The following SLC24A2 variants were observed in gnomAD, a reference collection of about 807,000 sequenced individuals.
The protein encoded by SLC24A2 is solute carrier family 24 member 2.
In SLC24A2, 36 loss-of-function variants were observed where a neutral mutation model predicts 62.0. That is an observed-to-expected ratio of 0.58 (90% CI 0.44 to 0.77). The LOEUF is 0.77. SLC24A2 is among the 30% of genes least tolerant of loss of function. SLC24A2 has a pLI of 0.00. For synonymous variants in SLC24A2, 358 were observed against 294.0 expected (o/e 1.22, Z -2.23); for missense variants, 846 against 817.9 (o/e 1.03, Z -0.42).
At chr9:20,220,305 A>T in the SLC24A2 span, among the ~76,000 whole-genome samples, 1 of 152,112 alleles carries the variant, frequency 6.6e-6, no homozygotes, top group Non-Finnish European at 1.5e-5. Flanking sequence ...CCTCATTAAA[A>T]GGGCTTGGTG....
intron 2 of SLC24A2, among the ~76,000 whole-genome samples, chr9:19,698,654 G>A (rs1437438902): frequency 1.3e-5 from 2 of 152,104 alleles, no homozygotes; most frequent in African/African-American, 4.8e-5. Context: ...GTGCACTCTG[G>A]GGATATAAAG....
chr9:19,656,040 C>T (rs773157073), intron 2 of SLC24A2, among the ~76,000 whole-genome samples: 29 of 152,142 alleles, frequency 1.9e-4, no homozygotes, highest in African/African-American at 2.4e-4. Context: ...TCTAAAGCCT[C>T]GTCTGCAATT....
chr9:20,000,255 T>A, the SLC24A2 span, among the ~76,000 whole-genome samples: 2 of 152,194 alleles, frequency 1.3e-5, no homozygotes, highest in Non-Finnish European at 2.9e-5. Flanking sequence ...GCTAAGCATA[T>A]TACATGGACT....
Position 19,529,980 on chromosome 9 carries a change from T to C in SLC24A2, c.1480-1842A>G, listed in dbSNP as rs190307141. On this transcript the variant is annotated intron_variant, in intron 8 of 10. Transcript: ENST00000341998. Reference sequence around the variant, plus strand: ...GTTGGCCAGGCTGGTTTCAAAATCCTGACCTCAGATGATCTGCCTGCTTCA... The same window carrying C: ...GTTGGCCAGGCTGGTTTCAAAATCCCGACCTCAGATGATCTGCCTGCTTCA... 3.8e-3 allele frequency among the ~76,000 whole-genome samples: 579 copies of C among 151,998 alleles called. 3 individuals are homozygous for C. The highest frequency in any genetic ancestry group is 0.013 in the African/African-American group (531 of 41,466).
intron 4 of SLC24A2, among the ~76,000 whole-genome samples, chr9:19,617,496 T>C (rs1817799984): frequency 1.3e-5 from 2 of 152,192 alleles, no homozygotes; most frequent in African/African-American, 4.8e-5. Flanking sequence ...ATACAAGTAC[T>C]AAAACATGAA....
the SLC24A2 span, among the ~76,000 whole-genome samples, chr9:20,290,435 C>CG: frequency 6.6e-6 from 1 of 152,248 alleles, no homozygotes; most frequent in African/African-American, 2.4e-5. Flanking sequence ...CCTCCCTTGC[C>CG]CCTCTTCAGG....
At chr9:19,763,498 C>T (rs570813836) in intron 2 of SLC24A2, among the ~76,000 whole-genome samples, 42 of 152,200 alleles carry the variant, frequency 2.8e-4, no homozygotes, top group African/African-American at 9.6e-4. Context: ...TCCATCAATA[C>T]CTTGTTTATG....
At chr9:20,264,095 C>T in the SLC24A2 span, among the ~76,000 whole-genome samples, 1 of 152,108 alleles carries the variant, frequency 6.6e-6, no homozygotes, top group South Asian at 2.1e-4. Flanking sequence ...GGGCCCCCAT[C>T]CCAAGCAACA....
At chr9:20,196,706 A>C in the SLC24A2 span, among the ~76,000 whole-genome samples, 1 of 152,360 alleles carries the variant, frequency 6.6e-6, no homozygotes, top group African/African-American at 2.4e-5. Flanking sequence ...AGGCCTGCAA[A>C]GGATTTGCAT....
chr9:19,979,703 G>A, the SLC24A2 span, among the ~76,000 whole-genome samples: 6 of 152,138 alleles, frequency 3.9e-5, no homozygotes, highest in African/African-American at 9.7e-5. Flanking sequence ...ATTTATGTAC[G>A]GGAGATGATC....
chr9:19,845,262 T>A, the SLC24A2 span, among the ~76,000 whole-genome samples: 2 of 152,152 alleles, frequency 1.3e-5, no homozygotes, highest in Non-Finnish European at 2.9e-5. Flanking sequence ...AGGTATTTAA[T>A]TTATTTTTGT....
chr9:19,563,283 T>C (rs1006350266), intron 7 of SLC24A2, among the ~76,000 whole-genome samples: 14 of 152,174 alleles, frequency 9.2e-5, no homozygotes, highest in Non-Finnish European at 2.1e-4. Flanking sequence ...GAACCTCTTA[T>C]TATACTTCAC....
At chr9:19,565,753 G>A (rs902230537) in intron 7 of SLC24A2, among the ~76,000 whole-genome samples, 1 of 152,124 alleles carries the variant, frequency 6.6e-6, no homozygotes, top group Non-Finnish European at 1.5e-5. Flanking sequence ...CATGGTACTG[G>A]TACCAAAACA....
the SLC24A2 span, among the ~76,000 whole-genome samples, chr9:19,873,391 TCTC>T: frequency 6.6e-6 from 1 of 150,712 alleles, no homozygotes; most frequent in East Asian, 1.9e-4. Context: ...TCTTTCTCTC[TCTC>T]CTTCCTTCCT....
At chr9:19,887,002 C>T in the SLC24A2 span, among the ~76,000 whole-genome samples, 61,675 of 151,718 alleles carry the variant, frequency 0.41, 13,117 homozygotes, top group East Asian at 0.84. Context: ...AGCTGAACGA[C>T]GAGAACACAT....
Position 19,638,891 on chromosome 9 carries a change from CTAAA to C in SLC24A2, c.931-16596_931-16593del, listed in dbSNP as rs540994858. On this transcript the variant is annotated intron_variant, in intron 2 of 10. Coordinates refer to ENST00000341998, the MANE Select transcript of SLC24A2 (RefSeq NM_020344.4). ...ATCTCCAACTGGAGCAATTAGCTAT[CTAAA>C]CTTGGAGATGGCAGGTAGCCAGGTC... Among the ~76,000 whole-genome samples, 34 of 152,344 alleles carry C rather than the reference CTAAA, an allele frequency of 2.2e-4. No individual in the cohort carries two copies. The East Asian group carries it at 6.6e-3, about 29-fold the overall frequency.
the SLC24A2 span, among the ~76,000 whole-genome samples, chr9:19,882,794 C>A: frequency 6.6e-6 from 1 of 152,052 alleles, no homozygotes; most frequent in African/African-American, 2.4e-5. Flanking sequence ...TAAAAGCAAG[C>A]AGCAAGCAAC....
At chr9:19,630,281 C>T (rs887305633) in intron 2 of SLC24A2, among the ~76,000 whole-genome samples, 1 of 152,050 alleles carries the variant, frequency 6.6e-6, no homozygotes, top group Non-Finnish European at 1.5e-5. Context: ...AAATTATAAA[C>T]AACACATATA....
intron 2 of SLC24A2, among the ~76,000 whole-genome samples, chr9:19,765,934 A>G (rs775934142): frequency 1.3e-5 from 2 of 152,162 alleles, no homozygotes; most frequent in Non-Finnish European, 2.9e-5. Context: ...CGGTATACCA[A>G]TCAAATGTAG....
Sources: gnomAD v4.1 joint callset for allele counts (sites outside exome capture counted in the v4.1 genomes callset) on GRCh38, gnomAD v4.1.1 for gene constraint, MANE v1.5 for transcripts, NCBI Gene and HGNC (gene_info 2026-07-23, HGNC 2026-07-21) for gene names.